Variants in PTPRK observed in about 807,000 individuals in gnomAD.
PTPRK encodes protein tyrosine phosphatase receptor type K, also known as receptor-type tyrosine-protein phosphatase kappa.
A neutral mutation model predicts 178.0 loss-of-function variants in PTPRK; 75 were observed. That is an observed-to-expected ratio of 0.42 (90% confidence interval 0.35 to 0.51). PTPRK has a LOEUF of 0.51. Among genes scored for constraint, PTPRK ranks in the 20% least tolerant of loss-of-function variants. The pLI is 0.02. For synonymous variants in PTPRK, 637 were observed against 620.6 expected (o/e 1.03, Z -0.39); for missense variants, 1,441 against 1,797.8 (o/e 0.80, Z 3.59).
At chr6:128,455,564 C>T (rs1848289824) in intron 1 of PTPRK, among the ~76,000 whole-genome samples, 1 of 152,090 alleles carries the variant, frequency 6.6e-6, no homozygotes. Context: ...GACCTGACTC[C>T]AGAATCAGAT....
At chr6:128,356,356 G>A (rs1007303563) in intron 2 of PTPRK, among the ~76,000 whole-genome samples, 5 of 152,072 alleles carry the variant, frequency 3.3e-5, no homozygotes, top group African/African-American at 1.2e-4. Context: ...TTTGCATGGC[G>A]AGCTCACTTC....
At chr6:128,050,545 T>C (rs183210228) in intron 13 of PTPRK, among the ~76,000 whole-genome samples, 168 of 152,306 alleles carry the variant, frequency 1.1e-3, no homozygotes, top group South Asian at 3.3e-3. Context: ...TTCTCTTGCA[T>C]CATAATATGT....
At chr6:128,251,544 A>G (rs917586894) in intron 3 of PTPRK, among the ~76,000 whole-genome samples, 1 of 152,168 alleles carries the variant, frequency 6.6e-6, no homozygotes, top group African/African-American at 2.4e-5. Context: ...ACAGGGAGTA[A>G]CTAGGGCTCC....
chr6:128,382,564 T>C (rs1005402272), intron 2 of PTPRK, among the ~76,000 whole-genome samples: 9 of 151,564 alleles, frequency 5.9e-5, no homozygotes, highest in African/African-American at 1.7e-4. Context: ...CGCACCACCA[T>C]GCCTGGCTAA....
chr6:128,375,124 A>G (rs1235427127), intron 2 of PTPRK, among the ~76,000 whole-genome samples: 2 of 148,922 alleles, frequency 1.3e-5, no homozygotes, highest in Non-Finnish European at 3.0e-5. Flanking sequence ...CCATCAAGGT[A>G]TAAGCTTCTC....
At chr6:128,072,582 C>T (rs528028517) in intron 11 of PTPRK, among the ~76,000 whole-genome samples, 6 of 152,092 alleles carry the variant, frequency 3.9e-5, no homozygotes, top group East Asian at 1.9e-4. Context: ...GTACTTTTTA[C>T]GCTGGGGTTG....
At chr6:128,471,426 C>A (rs570579711) in intron 1 of PTPRK, among the ~76,000 whole-genome samples, 8 of 151,458 alleles carry the variant, frequency 5.3e-5, no homozygotes, top group African/African-American at 1.9e-4. Context: ...AGAAAAGGCT[C>A]AGACAATCCT....
At chr6:128,236,717 G>A (rs1813354207) in intron 5 of PTPRK, among the ~76,000 whole-genome samples, 1 of 151,908 alleles carries the variant, frequency 6.6e-6, no homozygotes, top group South Asian at 2.1e-4. Flanking sequence ...AAAACCTCAT[G>A]ATTTCACCAT....
chr6:128,434,055 C>A (rs1033095966), intron 1 of PTPRK, among the ~76,000 whole-genome samples: 1 of 151,576 alleles, frequency 6.6e-6, no homozygotes, highest in African/African-American at 2.4e-5. Context: ...CATTAGGCAA[C>A]GGTGGCTGAC....
chr6:128,167,122 CATAAAT>C (rs1217542791), intron 7 of PTPRK, among the ~76,000 whole-genome samples: 1 of 151,306 alleles, frequency 6.6e-6, no homozygotes, highest in Non-Finnish European at 1.5e-5. Context: ...GTGCCTTATA[CATAAAT>C]ATAAATGAAA....
intron 11 of PTPRK, among the ~76,000 whole-genome samples, chr6:128,074,231 C>T (rs1364878476): frequency 4.0e-5 from 6 of 151,898 alleles, no homozygotes. Flanking sequence ...GGGTAGCTTC[C>T]TGCAGCGCAA....
At chr6:128,170,959 T>C (rs1800157586) in intron 7 of PTPRK, among the ~76,000 whole-genome samples, 2 of 150,980 alleles carry the variant, frequency 1.3e-5, no homozygotes, top group South Asian at 4.2e-4. Flanking sequence ...TGGATACACG[T>C]GCAAATACAC....
intron 1 of PTPRK, among the ~76,000 whole-genome samples, chr6:128,468,881 T>C (rs534210366): frequency 7.7e-6 from 1 of 129,930 alleles, no homozygotes; most frequent in South Asian, 2.4e-4. Context: ...AAACACTGCC[T>C]CAAGCCAGGG....
intron 13 of PTPRK, among the ~76,000 whole-genome samples, chr6:128,017,715 C>T (rs1424311710): frequency 7.2e-6 from 1 of 138,064 alleles, no homozygotes; most frequent in Non-Finnish European, 1.5e-5. Context: ...CTCTCTCCTT[C>T]TCTCTCTCTC....
chr6:128,453,822 G>A (rs1848082357), intron 1 of PTPRK, among the ~76,000 whole-genome samples: 1 of 152,112 alleles, frequency 6.6e-6, no homozygotes, highest in South Asian at 2.1e-4. Flanking sequence ...AAACTATGAT[G>A]CATGCAGGGC....
chr6:128,029,031 G>A (rs528502946), intron 13 of PTPRK, among the ~76,000 whole-genome samples: 45 of 152,162 alleles, frequency 3.0e-4, no homozygotes, highest in African/African-American at 9.9e-4. Flanking sequence ...ATACAGTTTG[G>A]GTGTTTGTGC....
At chr6:128,321,922 G>T in intron 3 of PTPRK, 117 bp downstream of exon 3, 3 of 1,322,930 alleles carry the variant, frequency 2.3e-6, no homozygotes, top group Admixed American at 1.8e-5. Context: ...AATGGGGGTG[G>T]GGGAGGCAAG....
intron 3 of PTPRK, among the ~76,000 whole-genome samples, chr6:128,308,980 G>A (rs1009884112): frequency 6.6e-6 from 1 of 152,088 alleles, no homozygotes; most frequent in Non-Finnish European, 1.5e-5. Flanking sequence ...AAGGTTACAT[G>A]TCACTTTTAA....
chr6:128,265,853 G>C (rs564556745), intron 3 of PTPRK, among the ~76,000 whole-genome samples: 10 of 152,202 alleles, frequency 6.6e-5, no homozygotes, highest in Admixed American at 4.6e-4. Flanking sequence ...TCCCCAAAGC[G>C]ATGGTATTAG....
Sources: gnomAD v4.1 joint callset for allele counts (sites outside exome capture counted in the v4.1 genomes callset) on GRCh38, gnomAD v4.1.1 for gene constraint, MANE v1.5 for transcripts, NCBI Gene and HGNC (gene_info 2026-07-23, HGNC 2026-07-21) for gene names.